Variants in SMARCC1 observed in about 807,000 individuals in gnomAD.
SMARCC1 encodes the protein SWI/SNF related BAF chromatin remodeling complex subunit C1, also known as SWI/SNF complex subunit SMARCC1.
A neutral mutation model predicts 147.4 loss-of-function variants in SMARCC1; 43 were observed. The ratio of observed to expected loss-of-function variants is 0.29; its 90% CI spans 0.23 to 0.38. The LOEUF (loss-of-function observed/expected upper bound fraction) is 0.38. Among genes scored for constraint, SMARCC1 ranks in the 10% least tolerant of loss-of-function variants. The pLI, the probability that SMARCC1 is intolerant of heterozygous loss-of-function variation, is 1.00. For synonymous variants in SMARCC1, 495 were observed against 484.4 expected, an observed-to-expected ratio of 1.02 and a Z score of -0.29; for missense variants, 1,119 against 1,381.1, an observed-to-expected ratio of 0.81 and a Z score of 3.01.
At chr3:47,779,103 G>C (rs1207427912) in intron 1 of SMARCC1, among the ~76,000 whole-genome samples, 1 of 151,712 alleles carries the variant, frequency 6.6e-6, no homozygotes, top group East Asian at 1.9e-4. Flanking sequence ...TATACTTTAA[G>C]TACCCGGCAC....
In SMARCC1 at chr3:47,670,651, T is replaced by C; in HGVS notation, c.1899+7A>G. The C allele has an allele frequency of 6.6e-7, 1 of 1,519,132 alleles. No individual in the cohort carries two copies. Among genetic ancestry groups the C allele is most frequent in the Non-Finnish European group, 9.1e-7 (1 of 1,093,082 alleles). The allele number at this position is 1,519,132 out of a possible 1,614,324, so 94.1% of individuals were successfully genotyped here. A position where few individuals can be genotyped will look rare whatever the true frequency, so the allele number is the denominator to read the frequency against. The stretch of plus-strand genomic sequence containing the variant: ...AGCACACATCCCATATGCATTAATC[T>C]GCTTACCTCCAGGAGTAGAAGGGTC... On this transcript the variant is annotated splice_region_variant and intron_variant, in intron 19 of 27. Coordinates refer to ENST00000254480, the MANE Select transcript of SMARCC1 (RefSeq NM_003074.4).
At chr3:47,707,946 T>C (rs1198209308) in intron 9 of SMARCC1, among the ~76,000 whole-genome samples, 1 of 152,088 alleles carries the variant, frequency 6.6e-6, no homozygotes, top group Non-Finnish European at 1.5e-5. Flanking sequence ...TCCTTACAAC[T>C]GTATTTCCAT....
chr3:47,772,999 A>T, intron 1 of SMARCC1, 63 bp from the exon 2 acceptor site: 1 of 1,498,822 alleles, frequency 6.7e-7, no homozygotes, highest in Admixed American at 1.7e-5. Flanking sequence ...ATGTTGGCTT[A>T]CTTCCTAGTA....
At chr3:47,606,140 CT>C (rs2032470493) in intron 26 of SMARCC1, among the ~76,000 whole-genome samples, 1 of 151,964 alleles carries the variant, frequency 6.6e-6, no homozygotes, top group South Asian at 2.1e-4. Context: ...CTCAATAATT[CT>C]TTCCTTTACA....
chr3:47,736,625 C>T (rs753876166), intron 4 of SMARCC1, among the ~76,000 whole-genome samples: 1 of 151,104 alleles, frequency 6.6e-6, no homozygotes, highest in Non-Finnish European at 1.5e-5. Context: ...TGCAGTGAGC[C>T]GAGATCACAC....
intron 24 of SMARCC1, among the ~76,000 whole-genome samples, chr3:47,634,013 A>G (rs2032935721): frequency 6.6e-6 from 1 of 152,104 alleles, no homozygotes; most frequent in Admixed American, 6.6e-5. Flanking sequence ...AAAAGAGTCA[A>G]GTTATATTAG....
In SMARCC1 at chr3:47,598,890, G is replaced by C. The variant is rs375065875; in HGVS notation, c.3044-8053C>G. On this transcript the variant is annotated intron_variant, in intron 26 of 27. Coordinates refer to ENST00000254480, the MANE Select transcript of SMARCC1 (RefSeq NM_003074.4). ...ACACACACACACACACACACACACA[G>C]AGACAAAGACAGAGAGAGAAGAAGG... Among the ~76,000 whole-genome samples the C allele has an allele frequency of 4.4e-3, 582 of 130,878 alleles. 5 individuals carry two copies. Among genetic ancestry groups the C allele is most frequent in the African/African-American group, 0.015 (512 of 35,002 alleles). 85.9% of individuals were successfully genotyped at this position (130,878 alleles called of 152,430 possible).
chr3:47,766,560 T>A (rs1413964293), intron 2 of SMARCC1, among the ~76,000 whole-genome samples: 1 of 151,548 alleles, frequency 6.6e-6, no homozygotes, highest in Non-Finnish European at 1.5e-5. Flanking sequence ...AGTGACAGAG[T>A]GAGAGAGACC....
At chr3:47,641,343 C>A (rs2033045368) in intron 21 of SMARCC1, among the ~76,000 whole-genome samples, 2 of 152,078 alleles carry the variant, frequency 1.3e-5, no homozygotes, top group South Asian at 4.1e-4. Flanking sequence ...AAAAACGAGC[C>A]AGGCATGGTG....
chr3:47,735,661 C>T (rs1052114271), intron 5 of SMARCC1, among the ~76,000 whole-genome samples: 2 of 151,972 alleles, frequency 1.3e-5, no homozygotes, highest in South Asian at 2.1e-4. Context: ...GGCTGAGGCA[C>T]GAGAATCACT....
chr3:47,685,520 A>G (rs2033709384), intron 14 of SMARCC1, among the ~76,000 whole-genome samples: 1 of 152,044 alleles, frequency 6.6e-6, no homozygotes, highest in South Asian at 2.1e-4. Flanking sequence ...CTAAATTACA[A>G]CAAAATCTAG....
In SMARCC1 at chr3:47,675,477, T is replaced by A; in HGVS notation, c.1837A>T (p.Lys613Ter). The A allele has an allele frequency of 6.5e-7, 1 of 1,533,692 alleles. No homozygotes were observed. Among genetic ancestry groups the A allele is most frequent in the Non-Finnish European group, 9.0e-7 (1 of 1,106,942 alleles). ...TDIYSKKTLA[K>*]SKGASAGREW... ...CCATGTGTGATTAGAAAAATTACCT[T>A]TGCTAATGTTTTCTTGGAGTAAATG... Residue 613 changes from lysine (K) to a stop codon, truncating the protein, a stop_gained and splice_region_variant, in exon 18 of 28, where the codon AAG becomes TAG. Coordinates refer to ENST00000254480, the MANE Select transcript of SMARCC1 (RefSeq NM_003074.4). LOFTEE classifies it high-confidence loss of function.
At position 47,662,549 on chromosome 3, in the gene SMARCC1, T is replaced by C. The variant is rs1315067801; in HGVS notation, c.1943A>G (p.His648Arg). 2 of 1,614,066 alleles carry C rather than the reference T, an allele frequency of 1.2e-6. No homozygotes were observed. Among genetic ancestry groups the C allele is most frequent in the Non-Finnish European group, 8.5e-7 (1 of 1,179,930 alleles). ...YKDDWNKVSEHVGSRTQDECI... is the reference protein window; with the variant it reads ...YKDDWNKVSERVGSRTQDECI... ...TTCATCCTGAGTACGACTTCCAACA[T>C]GTTCCGACACTTTGTTCCAATCATC... Residue 648 changes from histidine (H) to arginine (R), a missense_variant, in exon 20 of 28, where the codon CAT (histidine) becomes CGT (arginine). By Grantham distance (29) the His-to-Arg change is conservative. Coordinates refer to ENST00000254480, the MANE Select transcript of SMARCC1 (RefSeq NM_003074.4).
intron 13 of SMARCC1, among the ~76,000 whole-genome samples, chr3:47,688,931 C>T (rs1248629344): frequency 1.3e-5 from 2 of 151,994 alleles, no homozygotes; most frequent in Non-Finnish European, 2.9e-5. Flanking sequence ...AGTATTTTGC[C>T]GAGCGCAGTG....
chr3:47,758,276 T>C (rs1008416414), intron 2 of SMARCC1, among the ~76,000 whole-genome samples: 1 of 151,792 alleles, frequency 6.6e-6, no homozygotes, highest in African/African-American at 2.4e-5. Flanking sequence ...TTTGCCAACA[T>C]GCTGACGCTA....
chr3:47,626,245 C>T (rs1315707028), intron 24 of SMARCC1, among the ~76,000 whole-genome samples: 1 of 151,424 alleles, frequency 6.6e-6, no homozygotes, highest in Non-Finnish European at 1.5e-5. Context: ...CTTCTAGGTT[C>T]AAGTGACACT....
intron 25 of SMARCC1, among the ~76,000 whole-genome samples, chr3:47,613,980 G>T (rs1034479207): frequency 7.2e-6 from 1 of 138,094 alleles, no homozygotes; most frequent in African/African-American, 2.6e-5. Flanking sequence ...AAAGCAGGGA[G>T]GGGGGTGGGA....
At chr3:47,774,310 A>G (rs967631793) in intron 1 of SMARCC1, among the ~76,000 whole-genome samples, 4 of 151,494 alleles carry the variant, frequency 2.6e-5, no homozygotes, top group African/African-American at 7.3e-5. Flanking sequence ...CGTCTCCACT[A>G]AAAAACAAAT....
At chr3:47,643,258 T>A (rs2033072556) in intron 21 of SMARCC1, among the ~76,000 whole-genome samples, 1 of 152,214 alleles carries the variant, frequency 6.6e-6, no homozygotes, top group Non-Finnish European at 1.5e-5. Context: ...TATCTTGGCG[T>A]GTCGGCTGGT....
Sources: allele counts gnomAD v4.1 joint callset (sites outside exome capture counted in the v4.1 genomes callset), GRCh38; gene constraint gnomAD v4.1.1; transcripts MANE v1.5; gene names NCBI Gene and HGNC (gene_info 2026-07-23, HGNC 2026-07-21).